The following GBE1 variants were observed in gnomAD, a reference collection of about 807,000 sequenced individuals.
GBE1 encodes 1,4-alpha-glucan-branching enzyme.
GBE1 carries 70 observed loss-of-function variants against 88.8 expected under a neutral mutation model. The observed-to-expected ratio is 0.79, with a 90% CI of 0.65 to 0.96. The LOEUF is 0.96. GBE1 is among the 40% of genes least tolerant of loss of function. GBE1 has a pLI of 0.00. For missense variants in GBE1, 872 were observed against 871.0 expected (o/e 1.00, Z -0.01); for synonymous variants, 284 against 300.1 (o/e 0.95, Z 0.56).
chr3:81,681,380 C>T (rs1360995294), intron 2 of GBE1, among the ~76,000 whole-genome samples: 3 of 152,132 alleles, frequency 2.0e-5, no homozygotes, highest in Non-Finnish European at 4.4e-5. Flanking sequence ...ACTGATTCAT[C>T]ACTTCCTTGG....
rs143816246 is a variant in GBE1, at chr3:81,705,864, T to C, written c.144-251A>G. Among the ~76,000 whole-genome samples the C allele has an allele frequency of 4.1e-3, 620 of 152,276 alleles. 9 individuals carry two copies. Among genetic ancestry groups the C allele is most frequent in the Middle Eastern group, 0.014 (4 of 294 alleles). ...CACTGGTATGAGAGAGGAAATATGA[T>C]GGTTATACTATTTCATGAATTTTTT... On this transcript the variant is annotated intron_variant, in intron 1 of 15. Transcript: ENST00000429644.
chr3:81,670,952 A>G lies in GBE1; in HGVS notation c.315T>C (p.Asn105=). 2 of 1,489,506 alleles carry G rather than the reference A, an allele frequency of 1.3e-6. No homozygotes were observed. The highest frequency in any genetic ancestry group is 1.8e-6 in the Non-Finnish European group (2 of 1,098,504). The allele number at this position is 1,489,506 out of a possible 1,614,324, so 92.3% of individuals were successfully genotyped here. A position where few individuals can be genotyped will look rare whatever the true frequency, so the allele number is the denominator to read the frequency against. ...ATGGGTACGAAAATGGATTCCAACC[A>G]TCTAAAAAAATGAAGAAGATCAGTT... The part of the protein sequence containing the change: ...AEGVFLTGDF[N]GWNPFSYPYK... Residue 105 remains asparagine (N), a splice_region_variant and synonymous_variant, in exon 3 of 16, where the codon AAT becomes AAC. Transcript: ENST00000429644.
intron 12 of GBE1, among the ~76,000 whole-genome samples, chr3:81,561,797 A>G (rs980547406): frequency 5.9e-5 from 9 of 151,988 alleles, no homozygotes; most frequent in African/African-American, 2.2e-4. Context: ...CTCTCTCATC[A>G]TTCATGATCT....
chr3:81,541,508 G>T (rs1703143575), intron 12 of GBE1, among the ~76,000 whole-genome samples: 1 of 151,570 alleles, frequency 6.6e-6, no homozygotes, highest in South Asian at 2.1e-4. Context: ...TAATGTGGTG[G>T]TATTTAGGTG....
At position 81,692,528 on chromosome 3, in the gene GBE1, GCT is replaced by G. The variant is rs1705536713; in HGVS notation, c.313+12914_313+12915del. ...AGTTGAGAATGCAGAGCCCCCTTTT[GCT>G]CTCAGTTTTTAGTTTGGTTTGTTAA... is the stretch of plus-strand genomic sequence containing the variant. On this transcript the variant is annotated intron_variant, in intron 2 of 15. Transcript: ENST00000429644. Among the ~76,000 whole-genome samples, 3 of 152,208 alleles carry G rather than the reference GCT, an allele frequency of 2.0e-5. 1 individual carries two copies. The highest frequency in any genetic ancestry group is 7.2e-5 in the African/African-American group (3 of 41,538).
chr3:81,674,882 C>T (rs1264494045), intron 2 of GBE1, among the ~76,000 whole-genome samples: 1 of 151,896 alleles, frequency 6.6e-6, no homozygotes, highest in Non-Finnish European at 1.5e-5. Flanking sequence ...GACTCTTCAT[C>T]ATGTGTGACA....
At chr3:81,595,072 G>T (rs1483329507) in intron 7 of GBE1, among the ~76,000 whole-genome samples, 1 of 150,408 alleles carries the variant, frequency 6.6e-6, no homozygotes, top group East Asian at 1.9e-4. Context: ...GATGAGTGTT[G>T]TTAGTAATTA....
chr3:81,505,562 T>C (rs1702641443), intron 14 of GBE1, among the ~76,000 whole-genome samples: 3 of 152,194 alleles, frequency 2.0e-5, no homozygotes, highest in Admixed American at 2.0e-4. Flanking sequence ...ATTTATTTTA[T>C]AAACATAGCC....
chr3:81,523,627 C>T (rs577122341), intron 14 of GBE1, among the ~76,000 whole-genome samples: 40 of 151,654 alleles, frequency 2.6e-4, no homozygotes, highest in African/African-American at 9.2e-4. Context: ...TTAAGCATTC[C>T]ATTTCCCTCT....
At chr3:81,657,621 T>G (rs1704960709) in intron 3 of GBE1, among the ~76,000 whole-genome samples, 1 of 152,110 alleles carries the variant, frequency 6.6e-6, no homozygotes, top group African/African-American at 2.4e-5. Flanking sequence ...ATTATATAAA[T>G]TAGGGTAATA....
chr3:81,739,286 C>A (rs960474250), intron 1 of GBE1, among the ~76,000 whole-genome samples: 3 of 152,096 alleles, frequency 2.0e-5, no homozygotes, highest in Non-Finnish European at 4.4e-5. Context: ...CAGCTTTTAA[C>A]CACTGCAGGA....
At chr3:81,510,596 A>G (rs982398340) in intron 14 of GBE1, among the ~76,000 whole-genome samples, 8 of 152,048 alleles carry the variant, frequency 5.3e-5, no homozygotes, top group Non-Finnish European at 1.0e-4. Flanking sequence ...GATTCAAAGT[A>G]AACATTTCCC....
intron 2 of GBE1, among the ~76,000 whole-genome samples, chr3:81,683,244 T>C (rs1576198390): frequency 1.3e-5 from 2 of 152,366 alleles, no homozygotes; most frequent in South Asian, 4.1e-4. Context: ...ATGTGAATTA[T>C]ATCTCAATAA....
chr3:81,659,208 C>T (rs1177104022), intron 3 of GBE1, among the ~76,000 whole-genome samples: 1 of 151,886 alleles, frequency 6.6e-6, no homozygotes, highest in South Asian at 2.1e-4. Flanking sequence ...ATAGGGGAAG[C>T]ACTATCATAG....
chr3:81,657,846 C>T (rs1704964273), intron 3 of GBE1, among the ~76,000 whole-genome samples: 1 of 152,046 alleles, frequency 6.6e-6, no homozygotes, highest in Non-Finnish European at 1.5e-5. Context: ...CATATAAAAT[C>T]ATCCTTGTGA....
chr3:81,694,790 C>T (rs1215993539), intron 2 of GBE1, among the ~76,000 whole-genome samples: 1 of 152,194 alleles, frequency 6.6e-6, no homozygotes. Flanking sequence ...TCTGCTTATC[C>T]TTAAGAAACA....
rs1706143381 is a variant in GBE1 at position 81,728,602 on chromosome 3, C to A, written c.144-22989G>T. ...TAGCCATATATTGCAATGGATTATACAACAAAAATATATTCTAATTACTAC... is the reference window on the plus strand; with the variant it reads ...TAGCCATATATTGCAATGGATTATAAAACAAAAATATATTCTAATTACTAC... On this transcript the variant is annotated intron_variant, in intron 1 of 15. Transcript: ENST00000429644. Among the ~76,000 whole-genome samples, 6 of 151,014 alleles carry A rather than the reference C, an allele frequency of 4.0e-5. 1 individual carries two copies. The South Asian group carries it at 1.3e-3, about 32-fold the overall frequency.
At chr3:81,530,398 C>T (rs2106862336) in intron 14 of GBE1, among the ~76,000 whole-genome samples, 1 of 151,812 alleles carries the variant, frequency 6.6e-6, no homozygotes, top group Middle Eastern at 3.4e-3. Flanking sequence ...GGATGTTTGC[C>T]AGTGTCTGGG....
At chr3:81,759,638 G>A (rs951897082) in intron 1 of GBE1, among the ~76,000 whole-genome samples, 6 of 152,126 alleles carry the variant, frequency 3.9e-5, no homozygotes, top group African/African-American at 9.7e-5. Flanking sequence ...AGTAAAATCC[G>A]GGTCAGAGTG....
Sources: gnomAD v4.1 joint callset for allele counts (sites outside exome capture counted in the v4.1 genomes callset) on GRCh38, gnomAD v4.1.1 for gene constraint, MANE v1.5 for transcripts, NCBI Gene and HGNC (gene_info 2026-07-23, HGNC 2026-07-21) for gene names.